Variants in IGSF9B observed in about 807,000 individuals in gnomAD.
The protein encoded by IGSF9B is immunoglobulin superfamily member 9B.
Under a neutral mutation model 143.7 loss-of-function variants are expected in IGSF9B, and 48 were observed. That is an observed-to-expected ratio of 0.33 (90% CI 0.26 to 0.42). The LOEUF (loss-of-function observed/expected upper bound fraction) is 0.42. Ranked by LOEUF, IGSF9B falls within the 20% of genes least tolerant of loss-of-function variation. IGSF9B has a pLI of 1.00. For missense variants in IGSF9B, 1,706 were observed against 1,980.0 expected, an observed-to-expected ratio of 0.86 and a Z score of 2.63; for synonymous variants, 903 against 833.1, an observed-to-expected ratio of 1.08 and a Z score of -1.44.
At position 133,919,877 on chromosome 11, in the gene IGSF9B, G is replaced by A. The variant is rs1350464264; in HGVS notation, c.3848C>T (p.Pro1283Leu). 1 of 1,584,774 alleles carries A rather than the reference G, an allele frequency of 6.3e-7. No individual in the cohort carries two copies. Among genetic ancestry groups the A allele is most frequent in the South Asian group, 1.1e-5 (1 of 87,192 alleles). ...MGFTTLATGYPSPPPGPAPAG... is the reference protein window; with the variant it reads ...MGFTTLATGYLSPPPGPAPAG... The stretch of plus-strand genomic sequence containing the variant: ...AGGGGCGGGGCCGGGTGGAGGGGAA[G>A]GGTAGCCGGTGGCCAGAGTGGTGAA... Residue 1283 changes from proline (P) to leucine (L), a missense_variant, in exon 18 of 20, where the codon CCT becomes CTT. By Grantham distance (98) the Pro-to-Leu change is moderately conservative (BLOSUM62 -3). This residue lies in a region of IGSF9B where 880 missense variants were observed against 762.9 expected (regional missense o/e 1.15). Coordinates refer to ENST00000533871, the MANE Select transcript of IGSF9B (RefSeq NM_001277285.4).
rs1591716007 is a variant in IGSF9B, at chr11:133,928,249, T to A, written c.1632-1158A>T. Among the ~76,000 whole-genome samples the A allele has an allele frequency of 6.6e-6, 1 of 152,168 alleles. No homozygotes were observed. Among genetic ancestry groups the A allele is most frequent in the East Asian group, 1.9e-4 (1 of 5,150 alleles). On this transcript the variant is annotated intron_variant, in intron 12 of 19. Coordinates refer to ENST00000533871, the MANE Select transcript of IGSF9B (RefSeq NM_001277285.4). The surrounding 1 kb of genome is among the most constrained non-coding windows in gnomAD (Gnocchi z 4.7). ...ACACCTAGGCGCTGAGCAGCACCGG[T>A]CTCCCAGCAGCCACCGGGCAGGCTG...
chr11:133,922,498 G>A (rs1314402033), intron 16 of IGSF9B, 71 bp downstream of exon 16: 11 of 1,464,402 alleles, frequency 7.5e-6, no homozygotes, highest in Non-Finnish European at 9.4e-6. Context: ...TGCTAAAAAT[G>A]GTCCACCTCT....
rs529341970 is a variant in IGSF9B at position 133,914,264 on chromosome 11, G to A, written c.3984-2257C>T. On this transcript the variant is annotated intron_variant, in intron 18 of 19. Coordinates refer to ENST00000533871, the MANE Select transcript of IGSF9B (RefSeq NM_001277285.4). ...AGTTTAGAGAGGTGAGCAACCTGTC[G>A]AATCATCCAGTCATCGTGGGAAAGA... Among the ~76,000 whole-genome samples the A allele has an allele frequency of 5.3e-5, 8 of 152,192 alleles. No homozygotes were observed. The South Asian group carries it at 8.3e-4, about 16-fold the overall frequency.
At chr11:133,933,523 A>G (rs1040255361) in intron 7 of IGSF9B, among the ~76,000 whole-genome samples, 2 of 152,132 alleles carry the variant, frequency 1.3e-5, no homozygotes, top group Non-Finnish European at 2.9e-5. Flanking sequence ...GGGTGGGAGG[A>G]CTGCATGAGG....
At position 133,936,156 on chromosome 11, in the gene IGSF9B, C is replaced by T. The variant is rs1235172280; in HGVS notation, c.718G>A (p.Val240Ile). ...AGCAGAGCATCCTGGGAGATGTTGA[C>T]GGTGATGTTCTCAGGAGGGGAGACG... ...FIVSPPENITVNISQDALLTC... is the reference protein window; with the variant it reads ...FIVSPPENITINISQDALLTC... Residue 240 changes from valine to isoleucine, a missense_variant, in exon 6 of 20, where the codon GTC (valine) becomes ATC (isoleucine). Physicochemically the swap from Val to Ile is conservative, Grantham distance 29. Around this residue, in one of 7 missense-constraint regions of IGSF9B, gnomAD observed 238 missense variants for 452.6 expected, o/e 0.53. Transcript: ENST00000533871. 4 of 1,612,138 alleles carry T rather than the reference C, an allele frequency of 2.5e-6. No individual in the cohort carries two copies. Among genetic ancestry groups the T allele is most frequent in the East Asian group, 2.2e-5 (1 of 44,846 alleles).
intron 15 of IGSF9B, among the ~76,000 whole-genome samples, chr11:133,924,049 G>A (rs1307278312): frequency 6.6e-6 from 1 of 152,170 alleles, no homozygotes; most frequent in Non-Finnish European, 1.5e-5. Context: ...GCTCCCTGCA[G>A]TGTGCCCACA....
rs1939609254 is a variant in IGSF9B at position 133,925,617 on chromosome 11, G to C, written c.2034+122C>G. ...GGGAGAATCCAGGACCAGTGGTGAGGAGGTACAGGATGTGGCTGGCCTCAC... is the reference window on the plus strand; with the variant it reads ...GGGAGAATCCAGGACCAGTGGTGAGCAGGTACAGGATGTGGCTGGCCTCAC... On this transcript the variant is annotated intron_variant, in intron 14 of 19. Transcript: ENST00000533871. 9.9e-6 allele frequency: 7 copies of C among 703,620 alleles called. No individual in the cohort carries two copies. In the South Asian group the frequency reaches 1.0e-4, roughly 10 times the overall value. The allele number at this position is 703,620 out of a possible 1,614,324, so 43.6% of individuals were successfully genotyped here.
chr11:133,922,749 G>A lies in IGSF9B; in HGVS notation c.2120-19C>T, dbSNP rs34845616. On this transcript the variant is annotated intron_variant, in intron 15 of 19. Transcript: ENST00000533871. ...AAGATGTCTGCAGGGAGGGTGGGGA[G>A]CACTCATGAGCCCATCCTTCCCCGG... 354,742 of 1,539,376 alleles carry A rather than the reference G, an allele frequency of 0.23. 43,059 individuals carry two copies. The highest frequency in any genetic ancestry group is 0.25 in the Non-Finnish European group (280,950 of 1,144,346).
intron 18 of IGSF9B, among the ~76,000 whole-genome samples, chr11:133,914,946 T>A (rs1939354578): frequency 6.6e-6 from 1 of 152,182 alleles, no homozygotes; most frequent in Non-Finnish European, 1.5e-5. Flanking sequence ...TTGGTGCCAA[T>A]GTCTCAGGTG....
chr11:133,896,533 T>A lies in IGSF9B; in HGVS notation c.*12536A>T, dbSNP rs563864432. The A allele has an allele frequency of 6.6e-6, 1 of 152,380 alleles. No individual in the cohort carries two copies. The highest frequency in any genetic ancestry group is 6.5e-5 in the Admixed American group (1 of 15,312). The allele number at this position is 152,380 out of a possible 1,614,324, so 9.4% of individuals were successfully genotyped here. A position where few individuals can be genotyped will look rare whatever the true frequency, so the allele number is the denominator to read the frequency against. ...CAATTAAATACTAAACGTCTTTTCA[T>A]CAGTTTAACTTGCAACACTCCCGGG... On this transcript the variant is annotated 3_prime_UTR_variant, in exon 20 of 20. Coordinates refer to ENST00000533871, the MANE Select transcript of IGSF9B (RefSeq NM_001277285.4).
intron 3 of IGSF9B, 175 bp from the exon 4 acceptor site, chr11:133,938,136 C>G: frequency 1.5e-6 from 1 of 680,210 alleles, no homozygotes; most frequent in Non-Finnish European, 2.4e-6. Context: ...GCAGGGAGAC[C>G]TGCATCCAAA....
intron 3 of IGSF9B, among the ~76,000 whole-genome samples, chr11:133,941,856 C>T (rs748337931): frequency 2.0e-5 from 3 of 152,170 alleles, no homozygotes; most frequent in African/African-American, 7.2e-5. Flanking sequence ...CTGCACGTGA[C>T]GAACTCCCCT....
intron 2 of IGSF9B, among the ~76,000 whole-genome samples, chr11:133,944,808 T>C (rs2121336705): frequency 1.3e-5 from 2 of 152,256 alleles, no homozygotes; most frequent in South Asian, 4.1e-4. Context: ...CTGAGCAATA[T>C]CCCTATCCCA....
At chr11:133,927,951 C>T (rs1295478398) in intron 12 of IGSF9B, among the ~76,000 whole-genome samples, 2 of 152,196 alleles carry the variant, frequency 1.3e-5, no homozygotes, top group Non-Finnish European at 2.9e-5. Flanking sequence ...CGGCGCCAAA[C>T]GTCGGAGTCA....
chr11:133,921,480 C>G (rs1288934670), intron 17 of IGSF9B, 83 bp from the exon 18 acceptor site: 1 of 1,064,558 alleles, frequency 9.4e-7, no homozygotes, highest in South Asian at 1.8e-5. Context: ...TCGGCAACCA[C>G]CCAGCACCCA....
rs1237034078 is a variant in IGSF9B at position 133,913,760 on chromosome 11, C to T, written c.3984-1753G>A. Among the ~76,000 whole-genome samples, 1 of 152,194 alleles carries T rather than the reference C, an allele frequency of 6.6e-6. No individual in the cohort carries two copies. Among genetic ancestry groups the T allele is most frequent in the Non-Finnish European group, 1.5e-5 (1 of 68,026 alleles). ...CAGACAAAGGGTGCAGGTGCCCGGG[C>T]GGGAGGCAGCACACCTTCCCAGTGT... On this transcript the variant is annotated intron_variant, in intron 18 of 19. Transcript: ENST00000533871. The surrounding 1 kb of genome is among the most constrained non-coding windows in gnomAD (Gnocchi z 4.6).
intron 3 of IGSF9B, among the ~76,000 whole-genome samples, chr11:133,943,823 ACT>A (rs1010387787): frequency 2.6e-5 from 4 of 152,226 alleles, no homozygotes; most frequent in Non-Finnish European, 4.4e-5. Flanking sequence ...AGAAAGACTA[ACT>A]CTGGGACCCC....
chr11:133,929,832 G>A (rs1210434545), intron 11 of IGSF9B, 50 bp from the exon 12 acceptor site: 2 of 1,285,986 alleles, frequency 1.6e-6, no homozygotes, highest in Non-Finnish European at 2.3e-6. Context: ...CAGCCACGTG[G>A]CTGGGTGCCC....
At position 133,953,870 on chromosome 11, in the gene IGSF9B, T is replaced by C. The variant is rs1477788201; in HGVS notation, c.64+2821A>G. ...GTTCTGGGTACCACTCCAGCCCCTC[T>C]CTTCTCCACACTTCCCCAACCTGTC... On this transcript the variant is annotated intron_variant, in intron 1 of 19. Coordinates refer to ENST00000533871, the MANE Select transcript of IGSF9B (RefSeq NM_001277285.4). The surrounding 1 kb of genome is among the most constrained non-coding windows in gnomAD (Gnocchi z 4.2). Among the ~76,000 whole-genome samples, 4 of 152,094 alleles carry C rather than the reference T, an allele frequency of 2.6e-5. No homozygotes were observed. Among genetic ancestry groups the C allele is most frequent in the Non-Finnish European group, 5.9e-5 (4 of 68,020 alleles).
Sources: gnomAD v4.1 joint callset for allele counts (sites outside exome capture counted in the v4.1 genomes callset) on GRCh38, gnomAD v4.1.1 for gene constraint, gnomAD v4.1.1 regional missense constraint, Gnocchi (gnomAD v3.1) non-coding constraint, MANE v1.5 for transcripts, NCBI Gene and HGNC (gene_info 2026-07-23, HGNC 2026-07-21) for gene names.